The following GADL1 variants were observed in gnomAD, a reference collection of about 807,000 sequenced individuals.
The protein encoded by GADL1 is GAD like acidic amino acid decarboxylase 1.
GADL1 carries 71 observed loss-of-function variants against 69.5 expected under a neutral mutation model. The ratio of observed to expected loss-of-function variants is 1.02; its 90% CI spans 0.84 to 1.25. The LOEUF is 1.25. Among genes scored for constraint, GADL1 ranks in the 50% most tolerant of loss-of-function variants. The pLI is 0.00. For missense variants in GADL1, 737 were observed against 631.8 expected, an observed-to-expected ratio of 1.17 and a Z score of -1.79; for synonymous variants, 254 against 214.4, an observed-to-expected ratio of 1.18 and a Z score of -1.62.
At chr3:30,883,865 G>C (rs920372167) in intron 1 of GADL1, among the ~76,000 whole-genome samples, 3 of 151,678 alleles carry the variant, frequency 2.0e-5, no homozygotes, top group Non-Finnish European at 4.4e-5. Flanking sequence ...CTCCTTCATT[G>C]GGTTTGTTAC....
At chr3:30,840,071 A>AGC (rs35291985) in intron 8 of GADL1, among the ~76,000 whole-genome samples, 1 of 151,964 alleles carries the variant, frequency 6.6e-6, no homozygotes. Context: ...CCTGAGAAAT[A>AGC]GACAAGAATA....
At chr3:30,751,696 CGT>C (rs1559486950) in intron 14 of GADL1, among the ~76,000 whole-genome samples, 1 of 152,150 alleles carries the variant, frequency 6.6e-6, no homozygotes, top group African/African-American at 2.4e-5. Context: ...TAACTACAAT[CGT>C]GTCTCATAGA....
In GADL1 at chr3:30,791,780, G is replaced by A. The variant is rs558671307; in HGVS notation, c.1251-5374C>T. On this transcript the variant is annotated intron_variant, in intron 12 of 14. Transcript: ENST00000282538. ...CCCATAATCCCCATGGGTCATGGGA[G>A]GGACCTGGTAGGAGGTAATTGAATC... Among the ~76,000 whole-genome samples, 53 of 152,206 alleles carry A rather than the reference G, an allele frequency of 3.5e-4. 2 individuals carry two copies. The South Asian group carries it at 0.011, about 30-fold the overall frequency.
chr3:30,857,675 T>G (rs1220773921), intron 2 of GADL1, among the ~76,000 whole-genome samples: 5 of 151,968 alleles, frequency 3.3e-5, no homozygotes, highest in Admixed American at 1.3e-4. Context: ...GCCATTCCTC[T>G]ATTCAAATAC....
intron 14 of GADL1, among the ~76,000 whole-genome samples, chr3:30,751,365 C>T (rs1695811528): frequency 1.3e-5 from 2 of 151,966 alleles, no homozygotes; most frequent in South Asian, 2.1e-4. Flanking sequence ...TGTTTCTATT[C>T]TGTGAGTTGT....
At chr3:30,751,646 A>G (rs988658233) in intron 14 of GADL1, among the ~76,000 whole-genome samples, 52 of 152,132 alleles carry the variant, frequency 3.4e-4, no homozygotes, top group Non-Finnish European at 6.5e-4. Flanking sequence ...AAACAGTTTG[A>G]GGAATTATCT....
chr3:30,763,070 T>C (rs1696181094), intron 14 of GADL1, among the ~76,000 whole-genome samples: 1 of 152,200 alleles, frequency 6.6e-6, no homozygotes. Context: ...ACTGATATCA[T>C]TTTAGGTTGA....
intron 1 of GADL1, 35 bp downstream of exon 1, chr3:30,894,543 T>A: frequency 6.5e-7 from 1 of 1,536,842 alleles, no homozygotes; most frequent in African/African-American, 1.4e-5. Flanking sequence ...CAGGGGAGGT[T>A]AAGGACAAAA....
At chr3:30,818,695 G>A (rs143791305) in intron 11 of GADL1, among the ~76,000 whole-genome samples, 1 of 152,190 alleles carries the variant, frequency 6.6e-6, no homozygotes, top group African/African-American at 2.4e-5. Context: ...CTAAAATATT[G>A]TTTAATGAAA....
intron 11 of GADL1, among the ~76,000 whole-genome samples, chr3:30,820,639 A>AC (rs1697557052): frequency 6.6e-6 from 1 of 152,156 alleles, no homozygotes; most frequent in South Asian, 2.1e-4. Flanking sequence ...AAAGCCATTG[A>AC]TGGGGTTGTT....
At chr3:30,763,969 C>CT (rs1488909799) in intron 14 of GADL1, among the ~76,000 whole-genome samples, 1 of 151,932 alleles carries the variant, frequency 6.6e-6, no homozygotes. Context: ...TGACTTTTTT[C>CT]TTAACAAAGA....
At chr3:30,775,576 T>G (rs944921054) in intron 14 of GADL1, among the ~76,000 whole-genome samples, 1 of 151,916 alleles carries the variant, frequency 6.6e-6, no homozygotes, top group East Asian at 1.9e-4. Context: ...GCATGCATTT[T>G]TTCTATTCAG....
intron 1 of GADL1, among the ~76,000 whole-genome samples, chr3:30,864,394 A>G (rs2125538206): frequency 6.6e-6 from 1 of 152,010 alleles, no homozygotes; most frequent in Middle Eastern, 3.4e-3. Flanking sequence ...ACATACACAC[A>G]CACGATAAAA....
chr3:30,783,384 AAAT>A (rs1696711944), intron 13 of GADL1, among the ~76,000 whole-genome samples: 1 of 152,248 alleles, frequency 6.6e-6, no homozygotes, highest in South Asian at 2.1e-4. Flanking sequence ...AATTCACTTA[AAAT>A]AATACATTTC....
At chr3:30,783,730 T>C (rs1452634062) in intron 13 of GADL1, among the ~76,000 whole-genome samples, 1 of 152,182 alleles carries the variant, frequency 6.6e-6, no homozygotes, top group Non-Finnish European at 1.5e-5. Flanking sequence ...CCACCTGCAC[T>C]GCTTGTGGGC....
intron 14 of GADL1, among the ~76,000 whole-genome samples, chr3:30,735,260 T>C (rs140538117): frequency 6.6e-6 from 1 of 152,228 alleles, no homozygotes; most frequent in Non-Finnish European, 1.5e-5. Flanking sequence ...AACATTTTTC[T>C]TAAAAATGCC....
At chr3:30,791,073 G>A (rs1696902538) in intron 12 of GADL1, among the ~76,000 whole-genome samples, 1 of 151,980 alleles carries the variant, frequency 6.6e-6, no homozygotes, top group South Asian at 2.1e-4. Flanking sequence ...TTACCTGAGG[G>A]AGGGGGAAAC....
At chr3:30,867,680 G>A (rs1194447879) in intron 1 of GADL1, among the ~76,000 whole-genome samples, 4 of 151,816 alleles carry the variant, frequency 2.6e-5, no homozygotes, top group Admixed American at 2.6e-4. Context: ...AATATTTGCT[G>A]AAGTTCTATG....
chr3:30,832,643 A>G (rs1206450590), intron 11 of GADL1, among the ~76,000 whole-genome samples: 1 of 152,072 alleles, frequency 6.6e-6, no homozygotes, highest in Non-Finnish European at 1.5e-5. Flanking sequence ...CTAGACCAAA[A>G]GAAAACTTGG....
Sources: allele counts gnomAD v4.1 joint callset (sites outside exome capture counted in the v4.1 genomes callset), GRCh38; gene constraint gnomAD v4.1.1; transcripts MANE v1.5; gene names NCBI Gene and HGNC (gene_info 2026-07-23, HGNC 2026-07-21).